The following LCMT1 variants were observed in gnomAD, a reference collection of about 807,000 sequenced individuals.
LCMT1 encodes [Phosphatase 2A protein]-leucine-carboxy methyltransferase 1.
In LCMT1, 32 loss-of-function variants were observed where a neutral mutation model predicts 47.7. The ratio of observed to expected loss-of-function variants is 0.67; its 90% CI spans 0.51 to 0.90. The LOEUF is 0.90. Among genes scored for constraint, LCMT1 ranks in the 40% least tolerant of loss-of-function variants. The pLI is 0.00. For missense variants in LCMT1, 375 were observed against 415.2 expected (o/e 0.90, Z 0.84); for synonymous variants, 152 against 149.7 (o/e 1.02, Z -0.11).
At chr16:25,124,123 CAAG>C (rs1960085661) in intron 1 of LCMT1, among the ~76,000 whole-genome samples, 1 of 152,168 alleles carries the variant, frequency 6.6e-6, no homozygotes, top group Non-Finnish European at 1.5e-5. Flanking sequence ...ATCTGTCTCT[CAAG>C]AGTCCATTTC....
intron 5 of LCMT1, among the ~76,000 whole-genome samples, chr16:25,155,676 C>CTTTTTT (rs35255738): frequency 1.4e-5 from 2 of 140,498 alleles, no homozygotes; most frequent in Admixed American, 7.2e-5. Flanking sequence ...TTCTTTCTTT[C>CTTTTTT]TTTTTTTTTT....
intron 10 of LCMT1, 101 bp from the exon 11 acceptor site, chr16:25,177,900 G>C: frequency 1.0e-6 from 1 of 957,040 alleles, no homozygotes; most frequent in Non-Finnish European, 1.7e-6. Context: ...GTGGTCAGCA[G>C]TGTGGCTGGT....
intron 4 of LCMT1, chr16:25,148,634 C>G (rs73563491): frequency 6.6e-6 from 1 of 152,264 alleles, no homozygotes; most frequent in African/African-American, 2.4e-5. Flanking sequence ...AAATAGGGGA[C>G]GCGAGGGAAG....
intron 4 of LCMT1, chr16:25,146,000 A>G (rs2141672703): frequency 6.6e-6 from 1 of 152,308 alleles, no homozygotes; most frequent in East Asian, 1.9e-4. Context: ...TCTTCCAGGG[A>G]GATGGTGGCT....
intron 4 of LCMT1, chr16:25,140,467 T>A: frequency 3.9e-6 from 2 of 517,052 alleles, no homozygotes; most frequent in Non-Finnish European, 6.9e-6. Flanking sequence ...GCTCTATGGC[T>A]CCCCATGTAA....
At chr16:25,160,690 T>C in intron 5 of LCMT1, 1 of 493,972 alleles carries the variant, frequency 2.0e-6, no homozygotes, top group Non-Finnish European at 4.1e-6. Flanking sequence ...GCTAAATAAG[T>C]TATGTTTTAT....
intron 6 of LCMT1, among the ~76,000 whole-genome samples, chr16:25,162,588 C>CAA (rs542231545): frequency 1.0e-4 from 8 of 78,786 alleles, no homozygotes; most frequent in African/African-American, 2.7e-4. Context: ...GACTCCATCT[C>CAA]AAAAAAAAAA....
chr16:25,135,566 G>A (rs551524689), intron 3 of LCMT1, among the ~76,000 whole-genome samples: 21 of 152,254 alleles, frequency 1.4e-4, no homozygotes, highest in African/African-American at 5.1e-4. Flanking sequence ...TGTTTTAGAG[G>A]TATGTGTGTG....
At chr16:25,154,134 C>G (rs2141686464) in intron 5 of LCMT1, among the ~76,000 whole-genome samples, 1 of 151,912 alleles carries the variant, frequency 6.6e-6, no homozygotes, top group East Asian at 2.0e-4. Context: ...CTCAGTCTCC[C>G]AAACAGCTGG....
At chr16:25,120,228 G>T (rs192395244) in intron 1 of LCMT1, among the ~76,000 whole-genome samples, 2,338 of 150,152 alleles carry the variant, frequency 0.016, 68 homozygotes, top group African/African-American at 0.055. Flanking sequence ...GGGTTTTTTT[G>T]TTTTGTTTTT....
intron 5 of LCMT1, 127 bp downstream of exon 5, chr16:25,151,742 T>C: frequency 1.8e-6 from 1 of 554,790 alleles, no homozygotes; most frequent in Non-Finnish European, 3.1e-6. Flanking sequence ...CAATGTATTG[T>C]CAACTGAAGA....
intron 10 of LCMT1, among the ~76,000 whole-genome samples, chr16:25,175,752 A>G (rs778215744): frequency 1.3e-5 from 2 of 152,170 alleles, no homozygotes; most frequent in African/African-American, 2.4e-5. Context: ...TCTTCCCAAA[A>G]TGAAAGATGT....
At chr16:25,156,781 C>G (rs1364070316) in intron 5 of LCMT1, among the ~76,000 whole-genome samples, 2 of 152,130 alleles carry the variant, frequency 1.3e-5, no homozygotes, top group Non-Finnish European at 2.9e-5. Context: ...TCTCTCTTTC[C>G]CACTGGATTT....
intron 2 of LCMT1, among the ~76,000 whole-genome samples, chr16:25,131,075 C>T (rs937992275): frequency 6.6e-6 from 1 of 152,240 alleles, no homozygotes; most frequent in Admixed American, 6.5e-5. Context: ...GGCTTTGAGA[C>T]AGGAGCCTGC....
At chr16:25,137,197 G>GCT (rs1235693822) in intron 3 of LCMT1, among the ~76,000 whole-genome samples, 1 of 152,136 alleles carries the variant, frequency 6.6e-6, no homozygotes, top group East Asian at 1.9e-4. Flanking sequence ...ACCATGCCCA[G>GCT]CTAATAGTTT....
intron 8 of LCMT1, 144 bp from the exon 9 acceptor site, chr16:25,170,570 C>A: frequency 3.3e-6 from 2 of 605,220 alleles, no homozygotes; most frequent in Non-Finnish European, 5.8e-6. Flanking sequence ...GTCAAGGCTG[C>A]AGTGAGCTGT....
rs1036260975 is a variant in LCMT1 at position 25,111,758 on chromosome 16, A to T, written c.-126A>T. 3.1e-6 allele frequency: 2 copies of T among 647,944 alleles called. No homozygotes were observed. The highest frequency in any genetic ancestry group is 1.9e-5 in the South Asian group (1 of 52,994). The allele number at this position is 647,944 out of a possible 1,614,324, so 40.1% of individuals were successfully genotyped here. ...GTGGGCGGCGTCACTGAGCCGCGCC[A>T]GCTGAGCCAGGTAGGGCCCTACCCT... On this transcript the variant is annotated 5_prime_UTR_variant, in exon 1 of 11. Coordinates refer to ENST00000399069, the MANE Select transcript of LCMT1 (RefSeq NM_016309.3).
intron 6 of LCMT1, among the ~76,000 whole-genome samples, chr16:25,164,384 A>C (rs1961524698): frequency 6.6e-6 from 1 of 152,124 alleles, no homozygotes; most frequent in Non-Finnish European, 1.5e-5. Flanking sequence ...ATTGCCACAC[A>C]AATCATTTCT....
intron 4 of LCMT1, among the ~76,000 whole-genome samples, chr16:25,151,353 C>T (rs1961074682): frequency 6.6e-6 from 1 of 152,156 alleles, no homozygotes; most frequent in South Asian, 2.1e-4. Context: ...AGACCTGTGT[C>T]CACTGAAGTT....
Sources: gnomAD v4.1 joint callset for allele counts (sites outside exome capture counted in the v4.1 genomes callset) on GRCh38, gnomAD v4.1.1 for gene constraint, MANE v1.5 for transcripts, NCBI Gene and HGNC (gene_info 2026-07-23, HGNC 2026-07-21) for gene names.